IGSF11: variants seen among roughly 807,000 people sequenced by gnomAD.
The protein encoded by IGSF11 is immunoglobulin superfamily member 11.
IGSF11 carries 22 observed loss-of-function variants against 41.0 expected under a neutral mutation model. That is an observed-to-expected ratio of 0.54 (90% CI 0.38 to 0.77). IGSF11 has a LOEUF of 0.77. IGSF11 is among the 30% of genes least tolerant of loss of function. The probability of loss-of-function intolerance (pLI) is 0.00; values close to 1 mark genes in which losing one functional copy is unlikely to be tolerated. For synonymous variants in IGSF11, 219 were observed against 201.3 expected, an observed-to-expected ratio of 1.09 and a Z score of -0.74; for missense variants, 444 against 530.8, an observed-to-expected ratio of 0.84 and a Z score of 1.61.
At chr3:118,975,559 C>T (rs892042845) in intron 1 of IGSF11, among the ~76,000 whole-genome samples, 2 of 152,120 alleles carry the variant, frequency 1.3e-5, no homozygotes, top group African/African-American at 4.8e-5. Flanking sequence ...AAAGATGAAG[C>T]ATCAACTCTT....
At chr3:119,052,976 A>C (rs1205916294) in intron 1 of IGSF11, among the ~76,000 whole-genome samples, 1 of 152,172 alleles carries the variant, frequency 6.6e-6, no homozygotes, top group Non-Finnish European at 1.5e-5. Context: ...CTGCAAAATC[A>C]GCATACAAGG....
intron 1 of IGSF11, among the ~76,000 whole-genome samples, chr3:119,016,312 A>C (rs41497149): frequency 0.18 from 27,734 of 152,164 alleles, 3,049 homozygotes; most frequent in African/African-American, 0.31. Flanking sequence ...CAAAGTAAAA[A>C]CTGCCCAGAA....
intron 1 of IGSF11, among the ~76,000 whole-genome samples, chr3:119,078,262 G>C (rs1404610392): frequency 6.6e-6 from 1 of 152,076 alleles, no homozygotes; most frequent in African/African-American, 2.4e-5. Flanking sequence ...CTGATGTCAA[G>C]TACTATACTA....
chr3:119,091,751 T>G (rs1281462760), intron 1 of IGSF11, among the ~76,000 whole-genome samples: 1 of 152,102 alleles, frequency 6.6e-6, no homozygotes, highest in Non-Finnish European at 1.5e-5. Context: ...TCAGATACTG[T>G]GCTCATTACC....
chr3:119,111,705 T>TC (rs1576814518), intron 1 of IGSF11, among the ~76,000 whole-genome samples: 1 of 152,224 alleles, frequency 6.6e-6, no homozygotes, highest in Non-Finnish European at 1.5e-5. Context: ...CTCTGTTGTT[T>TC]CCCCATCTTT....
intron 1 of IGSF11, among the ~76,000 whole-genome samples, chr3:119,127,013 C>T (rs1169295337): frequency 6.6e-6 from 1 of 152,050 alleles, no homozygotes; most frequent in Admixed American, 6.6e-5. Context: ...GGGCACAGAA[C>T]TGGATGGAGG....
chr3:119,050,572 G>A (rs1195302514), intron 1 of IGSF11, among the ~76,000 whole-genome samples: 12 of 151,774 alleles, frequency 7.9e-5, no homozygotes, highest in African/African-American at 2.9e-4. Flanking sequence ...TTCAACCATT[G>A]TGGAAGTCAG....
chr3:119,092,589 C>T (rs1007547263), intron 1 of IGSF11, among the ~76,000 whole-genome samples: 1 of 152,118 alleles, frequency 6.6e-6, no homozygotes, highest in African/African-American at 2.4e-5. Context: ...CTCAGCCTCC[C>T]AAAGTGCGGG....
At chr3:119,095,737 G>C (rs6763596) in intron 1 of IGSF11, among the ~76,000 whole-genome samples, 7,605 of 152,256 alleles carry the variant, frequency 0.05, 235 homozygotes, top group South Asian at 0.093. Flanking sequence ...TGCTTTACAG[G>C]AGAGAAACAC....
chr3:119,030,981 G>A lies in IGSF11; in HGVS notation c.52+3550C>T, dbSNP rs115663314. ...CTAAATAAACTAGTTATGGGGCCAG[G>A]CACGGTGGCTCAGGCCTGTAATCCC... is the stretch of plus-strand genomic sequence containing the variant. On this transcript the variant is annotated intron_variant, in intron 1 of 6. Transcript: ENST00000393775. Among the ~76,000 whole-genome samples, 932 of 152,304 alleles carry A rather than the reference G, an allele frequency of 6.1e-3. 12 individuals carry two copies. Among genetic ancestry groups the A allele is most frequent in the African/African-American group, 0.021 (871 of 41,552 alleles).
At chr3:119,002,781 G>A (rs1331897606) in intron 1 of IGSF11, among the ~76,000 whole-genome samples, 1 of 97,946 alleles carries the variant, frequency 1.0e-5, no homozygotes, top group Non-Finnish European at 1.9e-5. Context: ...TCAGATAGTT[G>A]TAGGTATGCG....
chr3:119,108,247 A>AT (rs927363878), upstream of IGSF11, among the ~76,000 whole-genome samples: 2 of 150,792 alleles, frequency 1.3e-5, no homozygotes, highest in African/African-American at 4.9e-5. Context: ...ATTTGTTTAT[A>AT]TCCTCTTTTA....
At chr3:119,100,420 A>G (rs939558829) in intron 1 of IGSF11, among the ~76,000 whole-genome samples, 18 of 152,222 alleles carry the variant, frequency 1.2e-4, no homozygotes, top group African/African-American at 3.6e-4. Context: ...TGAGGCTTTG[A>G]GTCTAGGCAG....
Position 118,959,521 on chromosome 3 carries a change from G to A in IGSF11, c.53-29246C>T, listed in dbSNP as rs76772285. Among the ~76,000 whole-genome samples the A allele has an allele frequency of 3.2e-3, 487 of 152,294 alleles. 3 individuals are homozygous for A. Among genetic ancestry groups the A allele is most frequent in the African/African-American group, 0.011 (472 of 41,562 alleles). On this transcript the variant is annotated intron_variant, in intron 1 of 6. Coordinates refer to ENST00000393775, the MANE Select transcript of IGSF11 (RefSeq NM_001015887.3). ...GTGAGTAATAACATACATGGATAAC[G>A]TGACCCAACCAAACAAAGGACTACC...
intron 1 of IGSF11, among the ~76,000 whole-genome samples, chr3:119,071,524 C>T (rs939758893): frequency 3.3e-5 from 5 of 152,082 alleles, no homozygotes; most frequent in African/African-American, 4.8e-5. Context: ...AGGGGTCCAA[C>T]TTCATTATTT....
chr3:119,125,832 C>G (rs1182984612), intron 1 of IGSF11, among the ~76,000 whole-genome samples: 1 of 152,170 alleles, frequency 6.6e-6, no homozygotes, highest in Non-Finnish European at 1.5e-5. Context: ...GAAGGGGAAC[C>G]ACCTCTCCCC....
intron 1 of IGSF11, among the ~76,000 whole-genome samples, chr3:119,065,923 T>G (rs1942219294): frequency 6.6e-6 from 1 of 152,106 alleles, no homozygotes; most frequent in South Asian, 2.1e-4. Context: ...ATTCATTGAA[T>G]GTGTAATTTT....
At position 118,901,834 on chromosome 3, in the gene IGSF11, GA is replaced by G; in HGVS notation, c.*685del. On this transcript the variant is annotated 3_prime_UTR_variant, in exon 7 of 7. Coordinates refer to ENST00000393775, the MANE Select transcript of IGSF11 (RefSeq NM_001015887.3). ...TGCCATGGACCTGTAACAGATCCTA[GA>G]ATAACACAGACAGGCAAGAATCTGT... 6.6e-6 allele frequency: 1 copy of G among 151,278 alleles called. No individual in the cohort carries two copies. The highest frequency in any genetic ancestry group is 2.1e-4 in the South Asian group (1 of 4,786). The allele number at this position is 151,278 out of a possible 1,614,324, so 9.4% of individuals were successfully genotyped here. A position where few individuals can be genotyped will look rare whatever the true frequency, so the allele number is the denominator to read the frequency against.
rs1020201531 is a variant in IGSF11, at chr3:118,914,472, T to C, written c.581-8754A>G. Among the ~76,000 whole-genome samples, 3 of 151,412 alleles carry C rather than the reference T, an allele frequency of 2.0e-5. No homozygotes were observed. In the South Asian group the frequency reaches 6.4e-4, roughly 32 times the overall value. ...GCGCAAGGGGTCAGGGAGTTCTCTT[T>C]CCGAGTCAAAGAAAGGGGTGACGGA... On this transcript the variant is annotated intron_variant, in intron 4 of 6. Transcript: ENST00000393775.
Sources: allele counts gnomAD v4.1 joint callset (sites outside exome capture counted in the v4.1 genomes callset), GRCh38; gene constraint gnomAD v4.1.1; transcripts MANE v1.5; gene names NCBI Gene and HGNC (gene_info 2026-07-23, HGNC 2026-07-21).